The following PCDHA3 variants were observed in gnomAD, a reference collection of about 807,000 sequenced individuals.
PCDHA3 encodes the protein protocadherin alpha-3.
In PCDHA3, 41 loss-of-function variants were observed where a neutral mutation model predicts 62.2. That is an observed-to-expected ratio of 0.66 (90% confidence interval 0.51 to 0.86). PCDHA3 has a LOEUF of 0.86. Ranked by LOEUF, PCDHA3 falls within the 40% of genes least tolerant of loss-of-function variation. PCDHA3 has a pLI of 0.00. For missense variants in PCDHA3, 1,304 were observed against 1,241.2 expected, an observed-to-expected ratio of 1.05 and a Z score of -0.76; for synonymous variants, 640 against 555.4, an observed-to-expected ratio of 1.15 and a Z score of -2.14.
At chr5:140,967,784 C>G in intron 1 of PCDHA3, 1 of 1,614,174 alleles carries the variant, frequency 6.2e-7, no homozygotes, top group Non-Finnish European at 8.5e-7. Flanking sequence ...GGCGACTGAC[C>G]GGGGTCCAGT....
intron 1 of PCDHA3, chr5:140,837,006 G>A (rs1774868844): frequency 3.1e-6 from 1 of 317,894 alleles, no homozygotes; most frequent in African/African-American, 2.2e-5. Context: ...TGGAGCAATG[G>A]ATTCACCTTT....
intron 1 of PCDHA3, chr5:140,882,264 G>C: frequency 6.2e-7 from 1 of 1,609,300 alleles, no homozygotes; most frequent in Non-Finnish European, 8.5e-7. Context: ...TTTTTGGAGT[G>C]TACCATGCTG....
chr5:141,008,953 A>G (rs1554261966), intron 3 of PCDHA3, among the ~76,000 whole-genome samples: 1 of 152,240 alleles, frequency 6.6e-6, no homozygotes, highest in African/African-American at 2.4e-5. Context: ...CAAAATAGAC[A>G]TCCTAATACA....
At chr5:140,954,275 T>C (rs1447578594) in intron 1 of PCDHA3, among the ~76,000 whole-genome samples, 1 of 152,218 alleles carries the variant, frequency 6.6e-6, no homozygotes, top group Non-Finnish European at 1.5e-5. Context: ...AATAGGATGA[T>C]TTATATTCCT....
At chr5:140,901,580 C>T (rs2068755035) in intron 1 of PCDHA3, among the ~76,000 whole-genome samples, 3 of 152,008 alleles carry the variant, frequency 2.0e-5, no homozygotes, top group Admixed American at 6.6e-5. Context: ...TATGCCAGTG[C>T]CATGATGTTT....
At chr5:140,968,252 C>A (rs201156874) in intron 1 of PCDHA3, 7 of 1,613,948 alleles carry the variant, frequency 4.3e-6, no homozygotes, top group Non-Finnish European at 8.5e-7. Context: ...AGCCACAGAC[C>A]CAGATGAAAA....
chr5:140,812,986 A>G (rs2126643118), intron 1 of PCDHA3: 1 of 152,222 alleles, frequency 6.6e-6, no homozygotes, highest in South Asian at 2.1e-4. Context: ...GTTTTATTCC[A>G]CTGTGGTCAG....
At chr5:140,926,754 C>G in intron 1 of PCDHA3, 1 of 1,283,492 alleles carries the variant, frequency 7.8e-7, no homozygotes, top group South Asian at 2.2e-5. Flanking sequence ...TCGGCGGTCG[C>G]TGAGTATCCA....
rs1205980132 is a variant in PCDHA3, at chr5:140,829,675, A to G, written c.2394+26084A>G. ...TGCAGCCGCTGGACCACGAGGAGCTAGAGCTGCTGCAGTTTCAGGTGAGCG... is the reference window on the plus strand; with the variant it reads ...TGCAGCCGCTGGACCACGAGGAGCTGGAGCTGCTGCAGTTTCAGGTGAGCG... On this transcript the variant is annotated intron_variant, in intron 1 of 3. Transcript: ENST00000522353. The G allele has an allele frequency of 3.1e-6, 5 of 1,613,082 alleles. No individual in the cohort carries two copies. The South Asian group carries it at 4.4e-5, about 14-fold the overall frequency.
At chr5:140,858,512 T>C in intron 1 of PCDHA3, 1 of 1,426,790 alleles carries the variant, frequency 7.0e-7, no homozygotes, top group Non-Finnish European at 9.7e-7. Flanking sequence ...CTCAAATATG[T>C]ATCAGAATAT....
At chr5:140,838,971 A>C (rs139822450) in intron 1 of PCDHA3, among the ~76,000 whole-genome samples, 1 of 152,152 alleles carries the variant, frequency 6.6e-6, no homozygotes, top group East Asian at 1.9e-4. Context: ...CAGAACTGAC[A>C]ATTTTCACTG....
intron 1 of PCDHA3, chr5:140,966,931 C>T: frequency 6.2e-7 from 1 of 1,603,674 alleles, no homozygotes; most frequent in Non-Finnish European, 8.5e-7. Flanking sequence ...AGGCACCCGG[C>T]GCGCTCGTGG....
intron 1 of PCDHA3, chr5:140,830,113 G>A: frequency 6.2e-7 from 1 of 1,613,562 alleles, no homozygotes; most frequent in African/African-American, 1.3e-5. Context: ...AGAGTGGCCA[G>A]GCTCCAAAGG....
At chr5:140,876,321 G>T (rs2153339560) in intron 1 of PCDHA3, 2 of 1,614,030 alleles carry the variant, frequency 1.2e-6, no homozygotes, top group East Asian at 2.2e-5. Context: ...GGATCAAAAT[G>T]ATTTTGCCAG....
chr5:140,830,232 C>G (rs782042680), intron 1 of PCDHA3: 1 of 1,613,810 alleles, frequency 6.2e-7, no homozygotes, highest in African/African-American at 1.3e-5. Context: ...CTGGTCCTCA[C>G]GCTACTGCTG....
intron 1 of PCDHA3, among the ~76,000 whole-genome samples, chr5:140,820,641 G>A (rs1766795665): frequency 6.6e-6 from 1 of 151,988 alleles, no homozygotes; most frequent in Non-Finnish European, 1.5e-5. Context: ...ACAGTTGGGA[G>A]ATTAAAAAGT....
At chr5:140,971,221 G>A (rs1234658755) in intron 1 of PCDHA3, among the ~76,000 whole-genome samples, 1 of 152,082 alleles carries the variant, frequency 6.6e-6, no homozygotes, top group East Asian at 1.9e-4. Flanking sequence ...TCCCTCTCCT[G>A]ACTCAAAGCT....
rs920860677 is a variant in PCDHA3, at chr5:140,985,387, C to T, written c.2542+2824C>T. Among the ~76,000 whole-genome samples the T allele has an allele frequency of 3.0e-4, 45 of 152,272 alleles. 1 individual carries two copies. Among genetic ancestry groups the T allele is most frequent in the African/African-American group, 9.9e-4 (41 of 41,542 alleles). On this transcript the variant is annotated intron_variant, in intron 3 of 3. Transcript: ENST00000522353. ...GTTATCTGGGTCTATATAATCCAGTCACCCCAACTGTTCCCCTGGAAATGG... is the reference window on the plus strand; with the variant it reads ...GTTATCTGGGTCTATATAATCCAGTTACCCCAACTGTTCCCCTGGAAATGG...
chr5:140,842,222 G>A (rs1777807654), intron 1 of PCDHA3: 1 of 1,613,082 alleles, frequency 6.2e-7, no homozygotes, highest in Non-Finnish European at 8.5e-7. Context: ...AAATACGGGA[G>A]AAATAGTGAT....
Sources: allele counts gnomAD v4.1 joint callset (sites outside exome capture counted in the v4.1 genomes callset), GRCh38; gene constraint gnomAD v4.1.1; transcripts MANE v1.5; gene names NCBI Gene and HGNC (gene_info 2026-07-23, HGNC 2026-07-21).